Variants in NIM1K observed in about 807,000 individuals in gnomAD.
NIM1K encodes NIM1 serine/threonine protein kinase, also known as serine/threonine-protein kinase NIM1.
Under a neutral mutation model 37.1 loss-of-function variants are expected in NIM1K, and 35 were observed. The observed-to-expected ratio is 0.94, with a 90% confidence interval of 0.72 to 1.25. The LOEUF is 1.25. Among genes scored for constraint, NIM1K ranks in the 50% most tolerant of loss-of-function variants. NIM1K has a pLI of 0.00. For missense variants in NIM1K, 564 were observed against 548.0 expected (o/e 1.03, Z -0.29); for synonymous variants, 234 against 206.6 (o/e 1.13, Z -1.14).
At chr5:43,268,057 C>T (rs148705405) in intron 2 of NIM1K, among the ~76,000 whole-genome samples, 5 of 152,136 alleles carry the variant, frequency 3.3e-5, no homozygotes, top group South Asian at 2.1e-4. Flanking sequence ...GTTGAAGTAT[C>T]CCACTATTAT....
Position 43,280,103 on chromosome 5 carries a change from A to G in NIM1K, c.685A>G (p.Thr229Ala). The G allele has an allele frequency of 6.2e-7, 1 of 1,614,214 alleles. No individual in the cohort carries two copies. Among genetic ancestry groups the G allele is most frequent in the Non-Finnish European group, 8.5e-7 (1 of 1,180,030 alleles). The change falls in exon 4 of 4, where the codon ACT becomes GCT. Residue 229 changes from threonine (T) to alanine (A), a missense_variant. Transcript: ENST00000326035. ...AAGCAAAAAAGGTGAAATGCTGAAC[A>G]CTTTCTGTGGGTCTCCTCCCTACGC... ...TVSKKGEMLN[T>A]FCGSPPYAAP...
chr5:43,207,129 A>G (rs1339792977), intron 1 of NIM1K: 13 of 722,178 alleles, frequency 1.8e-5, no homozygotes, highest in Non-Finnish European at 3.4e-5. Context: ...GATTCATCTT[A>G]TCAAAATATA....
At chr5:43,231,815 G>A (rs1752543438) in intron 1 of NIM1K, 1 of 1,227,534 alleles carries the variant, frequency 8.1e-7, no homozygotes, top group African/African-American at 1.5e-5. Context: ...TTTCACTTTA[G>A]TATTCCTCTC....
intron 1 of NIM1K, among the ~76,000 whole-genome samples, chr5:43,201,948 A>T (rs941853533): frequency 6.7e-6 from 1 of 149,934 alleles, no homozygotes; most frequent in Non-Finnish European, 1.5e-5. Flanking sequence ...ACAGAGCGAG[A>T]CTCCCTCTGA....
chr5:43,207,719 T>G, intron 1 of NIM1K: 1 of 492,576 alleles, frequency 2.0e-6, no homozygotes, highest in Non-Finnish European at 3.9e-6. Context: ...TATGAAGAAT[T>G]GTTCTGCGGA....
intron 2 of NIM1K, among the ~76,000 whole-genome samples, chr5:43,262,866 C>A (rs1009542796): frequency 6.6e-6 from 1 of 152,188 alleles, no homozygotes; most frequent in Non-Finnish European, 1.5e-5. Context: ...TTGAGATAAT[C>A]ATGTGGTTTT....
At chr5:43,206,653 C>G (rs1040788698) in intron 1 of NIM1K, 1 of 681,518 alleles carries the variant, frequency 1.5e-6, no homozygotes, top group Non-Finnish European at 2.7e-6. Context: ...CAGCCTGACT[C>G]GGCCCCCCAG....
At chr5:43,271,578 T>C (rs1006799566) in intron 2 of NIM1K, among the ~76,000 whole-genome samples, 5 of 152,210 alleles carry the variant, frequency 3.3e-5, no homozygotes, top group Non-Finnish European at 5.9e-5. Context: ...ACATGTACCA[T>C]TTACCCAGTT....
rs1450363572 is a variant in NIM1K at position 43,277,107 on chromosome 5, C to T, written c.343C>T (p.Gln115Ter). The change falls in exon 3 of 4, where the codon CAG becomes TAG. Residue 115 changes from glutamine (Q) to a stop codon, truncating the protein, a stop_gained. Transcript: ENST00000326035. LOFTEE classifies it high-confidence loss of function. ...CAAGACCAAGTTAGACCAGAAAACC[C>T]AGAGGCTACTATCCCGAGAAATCTC... ...LDKTKLDQKT[Q>*]RLLSREISSM... 1.9e-6 allele frequency: 3 copies of T among 1,614,130 alleles called. No individual in the cohort carries two copies. Among genetic ancestry groups the T allele is most frequent in the Non-Finnish European group, 2.5e-6 (3 of 1,179,996 alleles).
At chr5:43,231,838 CT>C in intron 1 of NIM1K, 1 of 1,224,924 alleles carries the variant, frequency 8.2e-7, no homozygotes, top group Non-Finnish European at 1.1e-6. Flanking sequence ...TCTTCCTCAC[CT>C]TCTCCTTCAA....
intron 1 of NIM1K, among the ~76,000 whole-genome samples, chr5:43,206,423 C>A (rs1049725087): frequency 6.7e-6 from 1 of 149,950 alleles, no homozygotes; most frequent in African/African-American, 2.5e-5. Context: ...ATTGCTTGAG[C>A]CCAGGGATCA....
intron 2 of NIM1K, among the ~76,000 whole-genome samples, chr5:43,270,770 C>T (rs919748486): frequency 2.0e-5 from 3 of 152,168 alleles, no homozygotes; most frequent in Admixed American, 1.3e-4. Flanking sequence ...GCAAAGTGAA[C>T]TCAACAACCT....
chr5:43,205,638 A>G (rs1345118394), intron 1 of NIM1K, among the ~76,000 whole-genome samples: 2 of 152,184 alleles, frequency 1.3e-5, no homozygotes, highest in African/African-American at 4.8e-5. Context: ...TCCTTCAAAA[A>G]GTGTTACTGC....
At chr5:43,236,847 C>CA (rs1752628782) in intron 1 of NIM1K, among the ~76,000 whole-genome samples, 1 of 152,216 alleles carries the variant, frequency 6.6e-6, no homozygotes, top group African/African-American at 2.4e-5. Context: ...GGTGGTGTCA[C>CA]AGAGCAGAAC....
chr5:43,235,872 C>A (rs1752614004), intron 1 of NIM1K, among the ~76,000 whole-genome samples: 1 of 151,490 alleles, frequency 6.6e-6, no homozygotes, highest in Non-Finnish European at 1.5e-5. Context: ...ATGATTCTCC[C>A]ATGAAACCTA....
intron 2 of NIM1K, among the ~76,000 whole-genome samples, chr5:43,264,409 T>G (rs1753088229): frequency 6.6e-6 from 1 of 152,196 alleles, no homozygotes; most frequent in African/African-American, 2.4e-5. Flanking sequence ...CTTTGTTAGT[T>G]TAAAGTCTGT....
At chr5:43,224,985 C>A (rs1458422320) in intron 1 of NIM1K, among the ~76,000 whole-genome samples, 6 of 152,042 alleles carry the variant, frequency 3.9e-5, no homozygotes, top group African/African-American at 1.4e-4. Context: ...TAAGCCATTG[C>A]GCCTGGCCAC....
At chr5:43,250,222 T>C (rs1752848819) in intron 2 of NIM1K, among the ~76,000 whole-genome samples, 1 of 151,282 alleles carries the variant, frequency 6.6e-6, no homozygotes, top group South Asian at 2.1e-4. Flanking sequence ...TTCAATGTCA[T>C]TAAATATAGA....
intron 1 of NIM1K, among the ~76,000 whole-genome samples, chr5:43,231,364 T>G (rs1037824883): frequency 1.3e-5 from 2 of 152,146 alleles, no homozygotes; most frequent in Non-Finnish European, 2.9e-5. Context: ...AAATGTATAA[T>G]TTTCTTATGT....
Sources: gnomAD v4.1 joint callset for allele counts (sites outside exome capture counted in the v4.1 genomes callset) on GRCh38, gnomAD v4.1.1 for gene constraint, MANE v1.5 for transcripts, NCBI Gene and HGNC (gene_info 2026-07-23, HGNC 2026-07-21) for gene names.